The following SHF variants were observed in gnomAD, a reference collection of about 807,000 sequenced individuals.
SHF encodes Src homology 2 domain containing F.
In SHF, 30 loss-of-function variants were observed where a neutral mutation model predicts 42.4. The observed-to-expected ratio is 0.71, with a 90% CI of 0.53 to 0.96. The LOEUF (loss-of-function observed/expected upper bound fraction) is 0.96, where lower values mean the gene tolerates loss of function less well. Among genes scored for constraint, SHF ranks in the 40% least tolerant of loss-of-function variants. The probability of loss-of-function intolerance (pLI) is 0.00; values close to 1 mark genes in which losing one functional copy is unlikely to be tolerated. For missense variants in SHF, 598 were observed against 634.0 expected, an observed-to-expected ratio of 0.94 and a Z score of 0.61; for synonymous variants, 264 against 269.9, an observed-to-expected ratio of 0.98 and a Z score of 0.21.
chr15:45,185,387 C>G (rs1359526853), intron 1 of SHF, among the ~76,000 whole-genome samples: 2 of 152,234 alleles, frequency 1.3e-5, no homozygotes, highest in East Asian at 3.8e-4. Flanking sequence ...ACTCAGGTAC[C>G]TTGTTTGAGC....
Position 45,168,008 on chromosome 15 carries a change from A to G in SHF, c.1406T>C (p.Leu469Pro). Residue 469 changes from leucine to proline, a missense_variant, in exon 7 of 7, where the codon CTA becomes CCA. By Grantham distance (98) the Leu-to-Pro change is moderately conservative. Coordinates refer to ENST00000690270, the MANE Select transcript of SHF (RefSeq NM_001394037.1). ...CATGTGTTCGGCTCCCTTAATGGGT[A>G]GCTTGCGGCTGGCATAGTGGTGCAC... is the stretch of plus-strand genomic sequence containing the variant. ...EIVHHYASRK[L>P]PIKGAEHMSL... is the part of the protein sequence containing the mutation. The G allele has an allele frequency of 6.2e-7, 1 of 1,613,590 alleles. No homozygotes were observed.
intron 1 of SHF, among the ~76,000 whole-genome samples, chr15:45,182,928 T>C (rs1198738004): frequency 5.9e-5 from 9 of 152,216 alleles, no homozygotes. Context: ...ACAAGAACAA[T>C]GCCATGTTCA....
chr15:45,177,952 G>A (rs972749359), intron 2 of SHF, among the ~76,000 whole-genome samples: 12 of 152,142 alleles, frequency 7.9e-5, no homozygotes, highest in African/African-American at 2.4e-4. Context: ...AACTTCAGTT[G>A]TGTGGCCTCC....
intron 2 of SHF, 139 bp downstream of exon 2, chr15:45,178,026 C>T: frequency 8.5e-7 from 1 of 1,179,112 alleles, no homozygotes. Flanking sequence ...AGGCAATGAC[C>T]ATCCTCCCTA....
chr15:45,168,002 A>G lies in SHF; in HGVS notation c.1412T>C (p.Ile471Thr). 6.2e-7 allele frequency: 1 copy of G among 1,613,510 alleles called. No individual in the cohort carries two copies. Among genetic ancestry groups the G allele is most frequent in the Non-Finnish European group, 8.5e-7 (1 of 1,179,618 alleles). The change falls in exon 7 of 7, where the codon ATT becomes ACT. Residue 471 changes from isoleucine (I) to threonine (T), a missense_variant. By Grantham distance (89) the Ile-to-Thr change is moderately conservative. This residue lies in a region of SHF where 439 missense variants were observed against 524.6 expected (regional missense o/e 0.84). Transcript: ENST00000690270. ...VHHYASRKLP[I>T]KGAEHMSLLY... ...CAGGGACATGTGTTCGGCTCCCTTA[A>G]TGGGTAGCTTGCGGCTGGCATAGTG...
rs750319374 is a variant in SHF, at chr15:45,178,277, C to T, written c.528G>A (p.Pro176=). The part of the protein sequence containing the change: ...RLAILEDYAD[P]FDVQETGEGS... Reference sequence around the variant, plus strand: ...CTTCGCCAGTCTCCTGAACATCAAACGGGTCCGCATAGTCTTCTAGGATAG... The same window carrying T: ...CTTCGCCAGTCTCCTGAACATCAAATGGGTCCGCATAGTCTTCTAGGATAG... Residue 176 remains proline (P), a synonymous_variant, in exon 2 of 7, where the codon CCG becomes CCA. Transcript: ENST00000690270. 61 of 1,613,950 alleles carry T rather than the reference C, an allele frequency of 3.8e-5. 1 individual carries two copies. In the South Asian group the frequency reaches 5.1e-4, roughly 13 times the overall value.
intron 2 of SHF, among the ~76,000 whole-genome samples, chr15:45,196,620 G>A (rs1422431005): frequency 1.3e-5 from 2 of 152,056 alleles, no homozygotes; most frequent in African/African-American, 2.4e-5. Context: ...AGGAAAGGCC[G>A]GGCGTGGTGG....
intron 1 of SHF, among the ~76,000 whole-genome samples, chr15:45,179,496 G>A (rs377302494): frequency 6.6e-6 from 1 of 152,162 alleles, no homozygotes; most frequent in African/African-American, 2.4e-5. Flanking sequence ...GTGGGCTCAC[G>A]GCCACTCCTC....
upstream of SHF, among the ~76,000 whole-genome samples, chr15:45,188,504 C>T (rs1382136291): frequency 1.3e-5 from 2 of 152,242 alleles, no homozygotes; most frequent in African/African-American, 4.8e-5. Flanking sequence ...CCCATCCAAC[C>T]GTACGCACTG....
chr15:45,167,898 A>G lies in SHF; in HGVS notation c.*49T>C. The G allele has an allele frequency of 7.0e-7, 1 of 1,427,010 alleles. No individual in the cohort carries two copies. The highest frequency in any genetic ancestry group is 9.3e-7 in the Non-Finnish European group (1 of 1,076,028). 88.4% of individuals were successfully genotyped at this position (1,427,010 alleles called of 1,614,324 possible). A position where few individuals can be genotyped will look rare whatever the true frequency, so the allele number is the denominator to read the frequency against. Reference sequence around the variant, plus strand: ...AAGAGCCACAGCCCTCAGCCAGGTGATGGGCACAGGGCTGGGTACAGGTCT... The same window carrying G: ...AAGAGCCACAGCCCTCAGCCAGGTGGTGGGCACAGGGCTGGGTACAGGTCT... On this transcript the variant is annotated 3_prime_UTR_variant, in exon 7 of 7. Transcript: ENST00000690270.
At chr15:45,170,226 TGG>T in intron 6 of SHF, 1 of 560,188 alleles carries the variant, frequency 1.8e-6, no homozygotes, top group Non-Finnish European at 2.7e-6. Context: ...AATCCTGGTT[TGG>T]GGACTTTATT....
chr15:45,198,868 G>C (rs1032342049), exon 2 of SHF: 10 of 1,614,036 alleles, frequency 6.2e-6, no homozygotes, highest in Non-Finnish European at 8.5e-6. Flanking sequence ...CATTAGCCAC[G>C]GGCTGTGGTG....
chr15:45,172,606 C>G (rs919468068), intron 4 of SHF, among the ~76,000 whole-genome samples: 2 of 152,192 alleles, frequency 1.3e-5, no homozygotes, highest in Non-Finnish European at 2.9e-5. Flanking sequence ...GCACGCTTCT[C>G]CCTCCAAAGC....
chr15:45,197,978 A>G (rs1898919001), intron 2 of SHF, among the ~76,000 whole-genome samples: 2 of 152,236 alleles, frequency 1.3e-5, no homozygotes, highest in Admixed American at 1.3e-4. Flanking sequence ...GAAACTGAAA[A>G]TAATTGGTGG....
Position 45,178,174 on chromosome 15 carries a change from T to C in SHF, c.631A>G (p.Met211Val), listed in dbSNP as rs1897926111. ...TGCCCCTGTCACTCACCGGCCATCA[T>C]CTTTTGAGCCTCATAGGGCTCCATG... ...GYMEPYEAQK[M>V]MAEIRGSKET... The change falls in exon 2 of 7, where the codon ATG (methionine) becomes GTG (valine). Residue 211 changes from methionine to valine, a missense_variant. By Grantham distance (21) the Met-to-Val change is conservative. Around this residue, in one of 2 missense-constraint regions of SHF, gnomAD observed 439 missense variants for 524.6 expected, o/e 0.84. Transcript: ENST00000690270. The C allele has an allele frequency of 6.2e-7, 1 of 1,612,720 alleles. No individual in the cohort carries two copies. The highest frequency in any genetic ancestry group is 8.5e-7 in the Non-Finnish European group (1 of 1,179,798).
Position 45,168,144 on chromosome 15 carries a change from G to A in SHF, c.1281-11C>T, listed in dbSNP as rs773627257. ...AATCCCTGGCTGCTCCTGGGAAGAG[G>A]AGAGGAGACTTTGGTGAGTGGGGGC... On this transcript the variant is annotated splice_polypyrimidine_tract_variant and intron_variant, in intron 6 of 6. Transcript: ENST00000690270. 2.9e-5 allele frequency: 45 copies of A among 1,567,446 alleles called. No homozygotes were observed. Among genetic ancestry groups the A allele is most frequent in the Non-Finnish European group, 2.5e-5 (29 of 1,151,298 alleles).
At chr15:45,180,821 T>C (rs1354249684) in intron 1 of SHF, among the ~76,000 whole-genome samples, 3 of 152,218 alleles carry the variant, frequency 2.0e-5, no homozygotes, top group South Asian at 2.1e-4. Context: ...GCAGGAACCA[T>C]GTTTACTTTC....
intron 2 of SHF, among the ~76,000 whole-genome samples, chr15:45,175,956 T>A (rs1386811755): frequency 2.2e-4 from 33 of 151,964 alleles, no homozygotes; most frequent in Admixed American, 2.1e-3. Flanking sequence ...GTAGCTGGGA[T>A]TACAGACATC....
chr15:45,189,389 CTTTTTTT>C (rs11309833), upstream of SHF, among the ~76,000 whole-genome samples: 1 of 46,760 alleles, frequency 2.1e-5, no homozygotes, highest in African/African-American at 8.2e-5. Context: ...TCATGTCTGC[CTTTTTTT>C]TTTTTTTTTT....
Sources: allele counts gnomAD v4.1 joint callset (sites outside exome capture counted in the v4.1 genomes callset), GRCh38; gene constraint gnomAD v4.1.1; regional missense constraint gnomAD v4.1.1; transcripts MANE v1.5; gene names NCBI Gene and HGNC (gene_info 2026-07-23, HGNC 2026-07-21).